The following DNAH17 variants were observed in gnomAD, a reference collection of about 807,000 sequenced individuals.
DNAH17 encodes dynein axonemal heavy chain 17, also known as axonemal beta dynein heavy chain 17.
In DNAH17, 376 loss-of-function variants were observed where a neutral mutation model predicts 485.6. The observed-to-expected ratio is 0.77, with a 90% CI of 0.71 to 0.84. The LOEUF (loss-of-function observed/expected upper bound fraction) is 0.84. Among genes scored for constraint, DNAH17 ranks in the 40% least tolerant of loss-of-function variants. The pLI, the probability that DNAH17 is intolerant of heterozygous loss-of-function variation, is 0.00. For synonymous variants in DNAH17, 3,031 were observed against 2,405.9 expected (o/e 1.26, Z -7.60); for missense variants, 6,370 against 5,839.3 (o/e 1.09, Z -2.96).
At chr17:78,434,245 GT>G in intron 74 of DNAH17, 25 bp from the exon 75 acceptor site, 1 of 1,579,352 alleles carries the variant, frequency 6.3e-7, no homozygotes, top group Non-Finnish European at 8.6e-7. Flanking sequence ...CTCCGGTCAG[GT>G]ATTAGGGAGA....
Position 78,461,645 on chromosome 17 carries a change from C to A in DNAH17, c.9238G>T (p.Ala3080Ser), listed in dbSNP as rs557988732. ...EAELKQKNESADQLIQVVGIE... is the reference protein window; with the variant it reads ...EAELKQKNESSDQLIQVVGIE... ...CCGACCACCTGGATCAGTTGGTCTG[C>A]GCTCTCATTCTTCTGCTTGAGCTCA... The change falls in exon 58 of 81, where the codon GCA becomes TCA. Residue 3080 changes from alanine (A) to serine (S), a missense_variant. Transcript: ENST00000389840. 3 of 1,611,830 alleles carry A rather than the reference C, an allele frequency of 1.9e-6. No individual in the cohort carries two copies. Among genetic ancestry groups the A allele is most frequent in the Non-Finnish European group, 2.5e-6 (3 of 1,179,238 alleles).
chr17:78,426,329 C>G, intron 79 of DNAH17, 128 bp downstream of exon 79: 1 of 1,198,916 alleles, frequency 8.3e-7, no homozygotes, highest in Non-Finnish European at 1.1e-6. Context: ...TGGCCCTGAT[C>G]TGACAGAGGA....
At chr17:78,498,813 G>A (rs1043061767) in intron 37 of DNAH17, 195 bp downstream of exon 37, 88 of 473,186 alleles carry the variant, frequency 1.9e-4, no homozygotes, top group Admixed American at 1.6e-4. Flanking sequence ...CCTGTAATCT[G>A]ATTCTGTTTT....
intron 25 of DNAH17, among the ~76,000 whole-genome samples, chr17:78,519,185 A>G (rs1180903333): frequency 6.6e-6 from 1 of 151,048 alleles, no homozygotes; most frequent in African/African-American, 2.4e-5. Context: ...AAAAAAAAAA[A>G]AAAAAAAAGA....
At chr17:78,452,850 C>T (rs1183129001) in intron 65 of DNAH17, among the ~76,000 whole-genome samples, 1 of 152,128 alleles carries the variant, frequency 6.6e-6, no homozygotes, top group East Asian at 1.9e-4. Flanking sequence ...ACACAGAGAG[C>T]AGAGTAGTGG....
chr17:78,500,431 A>T lies in DNAH17; in HGVS notation c.5514T>A (p.His1838Gln). 6.2e-7 allele frequency: 1 copy of T among 1,605,208 alleles called. No homozygotes were observed. The highest frequency in any genetic ancestry group is 1.3e-5 in the African/African-American group (1 of 74,268). Residue 1838 changes from histidine to glutamine, a missense_variant, in exon 36 of 81, where the codon CAT becomes CAA. Transcript: ENST00000389840. ...CGGCAGGGGCTCCACCCATGATGAG[A>T]TGGAGGGACTGGGTCAGGGTGATAT... ...RCYITLTQSL[H>Q]LIMGGAPAGP...
chr17:78,522,358 A>T, intron 25 of DNAH17: 1 of 283,406 alleles, frequency 3.5e-6, no homozygotes, highest in South Asian at 3.4e-5. Context: ...TGAGCAAGAA[A>T]TTAAAATGCT....
chr17:78,547,284 C>T (rs540818567), intron 16 of DNAH17, among the ~76,000 whole-genome samples: 1 of 152,300 alleles, frequency 6.6e-6, no homozygotes, highest in South Asian at 2.1e-4. Context: ...TTTTTCCAAG[C>T]CCCTGCATGT....
intron 47 of DNAH17, 69 bp from the exon 48 acceptor site, chr17:78,485,102 C>T (rs1480593781): frequency 2.7e-6 from 4 of 1,495,476 alleles, no homozygotes; most frequent in Admixed American, 4.8e-5. Context: ...TAGGGAGGGG[C>T]GCTACCTGCT....
chr17:78,577,137 A>G (rs1343492655), intron 1 of DNAH17, among the ~76,000 whole-genome samples, 158 bp downstream of exon 1: 1 of 151,994 alleles, frequency 6.6e-6, no homozygotes, highest in East Asian at 1.9e-4. Context: ...GGGGTCCCAG[A>G]GCCATGAACA....
At chr17:78,477,924 CCACCATCAT>C (rs1313004332) in intron 51 of DNAH17, among the ~76,000 whole-genome samples, 1 of 148,780 alleles carries the variant, frequency 6.7e-6, no homozygotes, top group Non-Finnish European at 1.5e-5. Flanking sequence ...ATCACCATCA[CCACCATCAT>C]CACCACCATC....
At chr17:78,454,935 A>T (rs1453004130) in intron 63 of DNAH17, among the ~76,000 whole-genome samples, 1 of 151,524 alleles carries the variant, frequency 6.6e-6, no homozygotes, top group African/African-American at 2.4e-5. Flanking sequence ...CCCCTGACAG[A>T]GTCTCACTCT....
At chr17:78,442,541 C>T (rs1598455002) in intron 71 of DNAH17, among the ~76,000 whole-genome samples, 2 of 152,374 alleles carry the variant, frequency 1.3e-5, no homozygotes, top group Non-Finnish European at 1.5e-5. Flanking sequence ...TGCCCCTAGG[C>T]AGGAATGACT....
chr17:78,501,515 C>A, intron 34 of DNAH17, 171 bp from the exon 35 acceptor site: 1 of 999,266 alleles, frequency 1.0e-6, no homozygotes, highest in Admixed American at 2.9e-5. Context: ...TCAGTGGAAT[C>A]TCGCTACAGA....
chr17:78,561,088 C>A (rs2143649127), intron 12 of DNAH17, among the ~76,000 whole-genome samples, 153 bp from the exon 13 acceptor site: 1 of 152,160 alleles, frequency 6.6e-6, no homozygotes, highest in Non-Finnish European at 1.5e-5. Flanking sequence ...CAAGCAGTGG[C>A]CAGACCAAAT....
At chr17:78,444,828 C>A in intron 70 of DNAH17, 31 bp from the exon 71 acceptor site, 1 of 1,534,476 alleles carries the variant, frequency 6.5e-7, no homozygotes, top group South Asian at 1.3e-5. Context: ...CCCTGTGACT[C>A]TTCCCACTTA....
At chr17:78,505,709 T>C (rs1158828485) in intron 30 of DNAH17, among the ~76,000 whole-genome samples, 1 of 152,220 alleles carries the variant, frequency 6.6e-6, no homozygotes, top group African/African-American at 2.4e-5. Flanking sequence ...TGGGGCATGG[T>C]GGCTCACACC....
At position 78,558,251 on chromosome 17, in the gene DNAH17, C is replaced by T. The variant is rs1183993011; in HGVS notation, c.2035G>A (p.Val679Met). Residue 679 changes from valine (V) to methionine (M), a missense_variant, in exon 14 of 81, where the codon GTG becomes ATG. Val to Met is a conservative substitution (Grantham distance 21). Transcript: ENST00000389840. ...TACTTGACTTCTCTCAGAACTGCCA[C>T]CAACTAAATGACAAACGAAGATCAA... Reference protein sequence around the residue: ...LIHVNFSKALVAVLREVKYLN... With the variant: ...LIHVNFSKALMAVLREVKYLN... 1 of 1,613,328 alleles carries T rather than the reference C, an allele frequency of 6.2e-7. No homozygotes were observed. The highest frequency in any genetic ancestry group is 1.3e-5 in the African/African-American group (1 of 74,922).
At chr17:78,491,689 A>G in intron 42 of DNAH17, 119 bp from the exon 43 acceptor site, 1 of 1,437,882 alleles carries the variant, frequency 7.0e-7, no homozygotes, top group Non-Finnish European at 9.2e-7. Context: ...TCAGAGGAAC[A>G]GCAGAGGCCC....
Sources: allele counts gnomAD v4.1 joint callset (sites outside exome capture counted in the v4.1 genomes callset), GRCh38; gene constraint gnomAD v4.1.1; transcripts MANE v1.5; gene names NCBI Gene and HGNC (gene_info 2026-07-23, HGNC 2026-07-21).